The following ANXA6 variants were observed in gnomAD, a reference collection of about 807,000 sequenced individuals.
The protein encoded by ANXA6 is 67 kDa calelectrin.
A neutral mutation model predicts 95.4 loss-of-function variants in ANXA6; 71 were observed. The observed-to-expected ratio is 0.74, with a 90% CI of 0.61 to 0.91. The LOEUF is 0.91. ANXA6 is among the 40% of genes least tolerant of loss of function. ANXA6 has a pLI of 0.00. For synonymous variants in ANXA6, 289 were observed against 315.9 expected, an observed-to-expected ratio of 0.91 and a Z score of 0.90; for missense variants, 830 against 876.4, an observed-to-expected ratio of 0.95 and a Z score of 0.67.
chr5:151,110,062 A>G (rs1473198651), intron 21 of ANXA6, among the ~76,000 whole-genome samples: 1 of 152,148 alleles, frequency 6.6e-6, no homozygotes, highest in African/African-American at 2.4e-5. Flanking sequence ...GAACTGACAA[A>G]GATGGCCTTA....
chr5:151,148,685 C>T (rs1179625318), intron 1 of ANXA6, among the ~76,000 whole-genome samples: 1 of 152,156 alleles, frequency 6.6e-6, no homozygotes, highest in Non-Finnish European at 1.5e-5. Flanking sequence ...AGAGAAAAGA[C>T]AAGGCTTGGT....
At chr5:151,152,220 T>C (rs1295980272) in intron 1 of ANXA6, among the ~76,000 whole-genome samples, 2 of 152,202 alleles carry the variant, frequency 1.3e-5, no homozygotes, top group Non-Finnish European at 2.9e-5. Context: ...CAGATAGAAA[T>C]ACCTATAGGT....
At chr5:151,149,994 C>T (rs1172970102) in intron 1 of ANXA6, among the ~76,000 whole-genome samples, 1 of 151,906 alleles carries the variant, frequency 6.6e-6, no homozygotes, top group Non-Finnish European at 1.5e-5. Context: ...TGGTGTGTGC[C>T]TGTAGTCCCA....
Position 151,110,612 on chromosome 5 carries a change from G to A in ANXA6, c.1590+15C>T. On this transcript the variant is annotated intron_variant, in intron 21 of 25. Coordinates refer to ENST00000354546, the MANE Select transcript of ANXA6 (RefSeq NM_001155.5). The stretch of plus-strand genomic sequence containing the variant: ...CAGAGGCCGTTAAAACCCAAATGAA[G>A]AACAGGACACTCACCAAGATCTCAG... The A allele has an allele frequency of 1.2e-6, 2 of 1,613,010 alleles. No individual in the cohort carries two copies. Among genetic ancestry groups the A allele is most frequent in the South Asian group, 1.1e-5 (1 of 91,046 alleles).
intron 1 of ANXA6, among the ~76,000 whole-genome samples, chr5:151,157,173 T>G (rs745384792): frequency 1.7e-4 from 26 of 152,066 alleles, no homozygotes; most frequent in Non-Finnish European, 3.2e-4. Flanking sequence ...GACCGGACGT[T>G]CAGCTCTCTG....
chr5:151,148,389 C>T lies in ANXA6; in HGVS notation c.-25-463G>A, dbSNP rs376134627. On this transcript the variant is annotated intron_variant, in intron 1 of 25. Transcript: ENST00000354546. ...GATCCCAGAGTCTATACTATCTGCACCATGCATGCCCCCTTTTCAAGTCAA... is the reference window on the plus strand; with the variant it reads ...GATCCCAGAGTCTATACTATCTGCATCATGCATGCCCCCTTTTCAAGTCAA... Among the ~76,000 whole-genome samples the T allele has an allele frequency of 9.2e-5, 14 of 152,284 alleles. No homozygotes were observed. In the East Asian group the frequency reaches 1.2e-3, roughly 13 times the overall value.
chr5:151,127,127 C>G (rs923306228), intron 13 of ANXA6, among the ~76,000 whole-genome samples: 2 of 152,212 alleles, frequency 1.3e-5, no homozygotes, highest in Non-Finnish European at 2.9e-5. Flanking sequence ...GGCTTCTATC[C>G]AACTCTCCCC....
intron 4 of ANXA6, chr5:151,139,117 A>G (rs1765752457): frequency 1.7e-6 from 1 of 586,580 alleles, no homozygotes; most frequent in African/African-American, 1.9e-5. Context: ...CACCTCACCC[A>G]TCTTATTCAC....
rs1581993176 is a variant in ANXA6, at chr5:151,122,948, A to G, written c.1202T>C (p.Ile401Thr). ...THRSNVQRQQIRQTFKSHFGR... is the reference protein window; with the variant it reads ...THRSNVQRQQTRQTFKSHFGR... ...AAAGTGAGACTTGAAGGTCTGCCGG[A>G]TCTGCTGCCGCTGGACATTGCTGCG... is the stretch of plus-strand genomic sequence containing the variant. Residue 401 changes from isoleucine to threonine, a missense_variant, in exon 16 of 26, where the codon ATC becomes ACC. Transcript: ENST00000354546. The G allele has an allele frequency of 1.9e-6, 3 of 1,613,986 alleles. No individual in the cohort carries two copies. Among genetic ancestry groups the G allele is most frequent in the East Asian group, 4.5e-5 (2 of 44,890 alleles).
rs186451642 is a variant in ANXA6, at chr5:151,117,036, C to T, written c.1572+91G>A. Reference sequence around the variant, plus strand: ...CACGCCCCTGCCAGGAGCCTTCACTCACAGACAGGGCCCGGCGTAGACACG... The same window carrying T: ...CACGCCCCTGCCAGGAGCCTTCACTTACAGACAGGGCCCGGCGTAGACACG... On this transcript the variant is annotated intron_variant, in intron 20 of 25. Transcript: ENST00000354546. The T allele has an allele frequency of 3.8e-4, 478 of 1,266,056 alleles. 8 individuals are homozygous for T. In the East Asian group the frequency reaches 0.013, roughly 34 times the overall value. 78.4% of individuals were successfully genotyped at this position (1,266,056 alleles called of 1,614,324 possible). A position where few individuals can be genotyped will look rare whatever the true frequency, so the allele number is the denominator to read the frequency against.
Position 151,140,199 on chromosome 5 carries a change from G to A in ANXA6, c.63C>T (p.Asp21=), listed in dbSNP as rs769806967. The A allele has an allele frequency of 1.9e-6, 3 of 1,613,930 alleles. No homozygotes were observed. Among genetic ancestry groups the A allele is most frequent in the Non-Finnish European group, 1.7e-6 (2 of 1,179,890 alleles). ...RGSIHDFPGF[D]PNQDAEALYT... ...ACAGAGCCTCGGCATCCTGGTTGGGGTCAAAGCCTGGGAAGTCATGGATGG... is the reference window on the plus strand; with the variant it reads ...ACAGAGCCTCGGCATCCTGGTTGGGATCAAAGCCTGGGAAGTCATGGATGG... Residue 21 remains aspartate, a synonymous_variant, in exon 3 of 26, where the codon GAC becomes GAT. Coordinates refer to ENST00000354546, the MANE Select transcript of ANXA6 (RefSeq NM_001155.5).
chr5:151,104,226 T>A (rs1764631650), intron 24 of ANXA6, among the ~76,000 whole-genome samples: 1 of 152,222 alleles, frequency 6.6e-6, no homozygotes, highest in African/African-American at 2.4e-5. Context: ...ACCTTGATTT[T>A]GGGCTTTTGG....
At chr5:151,112,359 C>T (rs1031451127) in intron 20 of ANXA6, among the ~76,000 whole-genome samples, 3 of 152,052 alleles carry the variant, frequency 2.0e-5, no homozygotes, top group Non-Finnish European at 4.4e-5. Flanking sequence ...AAGAAACTGT[C>T]GAGACACCTT....
At chr5:151,143,616 A>C (rs953329330) in intron 2 of ANXA6, among the ~76,000 whole-genome samples, 1 of 152,012 alleles carries the variant, frequency 6.6e-6, no homozygotes, top group Non-Finnish European at 1.5e-5. Flanking sequence ...CAACTACAAG[A>C]CAGTGTGGCA....
chr5:151,100,782 T>C lies in ANXA6; in HGVS notation c.*666A>G. On this transcript the variant is annotated 3_prime_UTR_variant, in exon 26 of 26. Coordinates refer to ENST00000354546, the MANE Select transcript of ANXA6 (RefSeq NM_001155.5). ...GTGTCAAGGGAATGAATCGGAGGCATACTTTAGGAAGTTAATGTTAGAAGG... is the reference window on the plus strand; with the variant it reads ...GTGTCAAGGGAATGAATCGGAGGCACACTTTAGGAAGTTAATGTTAGAAGG... 2.3e-6 allele frequency: 1 copy of C among 435,808 alleles called. No individual in the cohort carries two copies. The highest frequency in any genetic ancestry group is 1.6e-5 in the South Asian group (1 of 62,674). 27.0% of individuals were successfully genotyped at this position (435,808 alleles called of 1,614,324 possible).
At chr5:151,118,339 C>T (rs7733815) in intron 18 of ANXA6, among the ~76,000 whole-genome samples, 45,805 of 151,422 alleles carry the variant, frequency 0.3, 7,684 homozygotes, top group East Asian at 0.48. Flanking sequence ...AGGCTCACTA[C>T]AGCCTCGACC....
intron 1 of ANXA6, among the ~76,000 whole-genome samples, chr5:151,154,385 A>G (rs1355674357): frequency 2.0e-5 from 3 of 151,486 alleles, no homozygotes; most frequent in African/African-American, 7.3e-5. Context: ...TACCATGATA[A>G]ACAGAAATAT....
intron 17 of ANXA6, among the ~76,000 whole-genome samples, chr5:151,121,179 C>A (rs923397481): frequency 6.6e-6 from 1 of 152,182 alleles, no homozygotes; most frequent in Admixed American, 6.5e-5. Context: ...TGGTTTTATG[C>A]GGTTGTCAAG....
intron 21 of ANXA6, 25 bp from the exon 22 acceptor site, chr5:151,109,871 G>T (rs1764801201): frequency 1.3e-6 from 2 of 1,511,652 alleles, no homozygotes; most frequent in Non-Finnish European, 1.8e-6. Flanking sequence ...TTGGAGCAAG[G>T]ATTTGGGAGG....
Sources: gnomAD v4.1 joint callset for allele counts (sites outside exome capture counted in the v4.1 genomes callset) on GRCh38, gnomAD v4.1.1 for gene constraint, MANE v1.5 for transcripts, NCBI Gene and HGNC (gene_info 2026-07-23, HGNC 2026-07-21) for gene names.